The following EEFSEC variants were observed in gnomAD, a reference collection of about 807,000 sequenced individuals.
The protein encoded by EEFSEC is eukaryotic elongation factor, selenocysteine-tRNA specific, also known as selenocysteine-specific elongation factor.
In EEFSEC, 43 loss-of-function variants were observed where a neutral mutation model predicts 42.1. That is an observed-to-expected ratio of 1.02 (90% CI 0.80 to 1.32). EEFSEC has a LOEUF of 1.32. EEFSEC is among the 40% of genes most tolerant of loss of function. The pLI is 0.00. For synonymous variants in EEFSEC, 354 were observed against 339.1 expected (o/e 1.04, Z -0.48); for missense variants, 745 against 803.6 (o/e 0.93, Z 0.88).
At chr3:128,387,373 C>G (rs2067853110) in intron 6 of EEFSEC, among the ~76,000 whole-genome samples, 1 of 152,142 alleles carries the variant, frequency 6.6e-6, no homozygotes, top group Non-Finnish European at 1.5e-5. Context: ...AAGTATACAC[C>G]TTCTTCAAAG....
intron 5 of EEFSEC, among the ~76,000 whole-genome samples, chr3:128,356,662 G>A (rs2067458745): frequency 6.6e-6 from 1 of 152,166 alleles, no homozygotes; most frequent in Non-Finnish European, 1.5e-5. Flanking sequence ...GATAGAAAAG[G>A]TGTATGGTGA....
chr3:128,296,021 C>T (rs2066702253), intron 4 of EEFSEC, among the ~76,000 whole-genome samples: 1 of 152,140 alleles, frequency 6.6e-6, no homozygotes, highest in Admixed American at 6.5e-5. Flanking sequence ...CACATGTTAC[C>T]ATGGTCCAGA....
chr3:128,361,807 C>T (rs923693798), intron 6 of EEFSEC, among the ~76,000 whole-genome samples: 2 of 152,218 alleles, frequency 1.3e-5, no homozygotes, highest in Non-Finnish European at 2.9e-5. Flanking sequence ...GGAGGCCTGA[C>T]AAGCTGCCAG....
intron 1 of EEFSEC, among the ~76,000 whole-genome samples, chr3:128,193,425 C>T (rs917490188): frequency 6.6e-6 from 1 of 152,210 alleles, no homozygotes; most frequent in Non-Finnish European, 1.5e-5. Context: ...ACTGGCACTT[C>T]GGGGGAGGGG....
intron 4 of EEFSEC, among the ~76,000 whole-genome samples, chr3:128,281,031 C>T (rs1408536062): frequency 6.6e-6 from 1 of 152,186 alleles, no homozygotes; most frequent in Non-Finnish European, 1.5e-5. Flanking sequence ...TTCATTACCC[C>T]CTCCGCTTCA....
At chr3:128,157,661 TACTGAA>T (rs1194788461) in intron 1 of EEFSEC, among the ~76,000 whole-genome samples, 1 of 152,252 alleles carries the variant, frequency 6.6e-6, no homozygotes, top group African/African-American at 2.4e-5. Flanking sequence ...TAGCATGGTT[TACTGAA>T]TATTTTAAGC....
At chr3:128,326,546 C>T (rs889256199) in intron 4 of EEFSEC, among the ~76,000 whole-genome samples, 16 of 152,132 alleles carry the variant, frequency 1.1e-4, no homozygotes, top group African/African-American at 1.7e-4. Context: ...CTGGGGAAGG[C>T]GAGACTCAAG....
chr3:128,285,602 C>T (rs2066575909), intron 4 of EEFSEC, among the ~76,000 whole-genome samples: 1 of 152,168 alleles, frequency 6.6e-6, no homozygotes, highest in Non-Finnish European at 1.5e-5. Flanking sequence ...GTGTTTGGGT[C>T]TACCCTCTTG....
In EEFSEC at chr3:128,367,806, G is replaced by A. The variant is rs1196362394; in HGVS notation, c.1600+9433G>A. The stretch of plus-strand genomic sequence containing the variant: ...TCCAAAGAAACCAGCTCTACAATAA[G>A]ACTCCCTTTTCCTGTCACCCATTTC... On this transcript the variant is annotated intron_variant, in intron 6 of 6. Coordinates refer to ENST00000254730, the MANE Select transcript of EEFSEC (RefSeq NM_021937.5). 4.1e-6 allele frequency: 4 copies of A among 985,252 alleles called. No individual in the cohort carries two copies. In the East Asian group the frequency reaches 4.5e-4, roughly 112 times the overall value. 61.0% of individuals were successfully genotyped at this position (985,252 alleles called of 1,614,324 possible). A position where few individuals can be genotyped will look rare whatever the true frequency, so the allele number is the denominator to read the frequency against.
At chr3:128,400,681 C>T (rs1042988874) in intron 6 of EEFSEC, among the ~76,000 whole-genome samples, 8 of 152,264 alleles carry the variant, frequency 5.3e-5, no homozygotes, top group Admixed American at 3.3e-4. Flanking sequence ...CACCCACCAG[C>T]GTGGAGACCC....
intron 1 of EEFSEC, among the ~76,000 whole-genome samples, chr3:128,196,552 A>G (rs1201841533): frequency 1.3e-5 from 2 of 152,026 alleles, no homozygotes; most frequent in Non-Finnish European, 2.9e-5. Context: ...ATTTCATGTA[A>G]TTTTTTTTGG....
intron 2 of EEFSEC, among the ~76,000 whole-genome samples, chr3:128,259,885 A>G (rs570186865): frequency 1.3e-5 from 2 of 151,954 alleles, no homozygotes; most frequent in African/African-American, 4.8e-5. Flanking sequence ...TGTTGTGTAT[A>G]TATACACAAC....
At chr3:128,211,471 G>A (rs1432084725) in intron 1 of EEFSEC, among the ~76,000 whole-genome samples, 2 of 151,884 alleles carry the variant, frequency 1.3e-5, no homozygotes, top group African/African-American at 4.8e-5. Flanking sequence ...ACTGTTACTT[G>A]ACAATACAAC....
chr3:128,351,671 A>C (rs1241678696), intron 5 of EEFSEC, among the ~76,000 whole-genome samples: 1 of 152,172 alleles, frequency 6.6e-6, no homozygotes, highest in Non-Finnish European at 1.5e-5. Flanking sequence ...AGGGACACAC[A>C]CACGTGTAAT....
At chr3:128,287,411 G>A (rs1319182206) in intron 4 of EEFSEC, among the ~76,000 whole-genome samples, 1 of 152,216 alleles carries the variant, frequency 6.6e-6, no homozygotes, top group African/African-American at 2.4e-5. Context: ...GGGAGAGAGT[G>A]AGGAGGCTGG....
At chr3:128,157,950 C>G (rs1454827292) in intron 1 of EEFSEC, among the ~76,000 whole-genome samples, 1 of 152,134 alleles carries the variant, frequency 6.6e-6, no homozygotes. Context: ...AATTGAAAAC[C>G]TTCTGGAAAG....
chr3:128,389,465 A>G (rs908089017), intron 6 of EEFSEC, among the ~76,000 whole-genome samples: 7 of 152,236 alleles, frequency 4.6e-5, no homozygotes, highest in Admixed American at 6.5e-5. Context: ...TGGCCTCCTA[A>G]GTCACAAGTG....
intron 4 of EEFSEC, among the ~76,000 whole-genome samples, chr3:128,280,594 C>T (rs2066515364): frequency 6.6e-6 from 1 of 152,192 alleles, no homozygotes; most frequent in Non-Finnish European, 1.5e-5. Context: ...CACTACTGGG[C>T]TTCCCTGTCC....
At position 128,408,295 on chromosome 3, in the gene EEFSEC, G is replaced by A; in HGVS notation, c.*36G>A. On this transcript the variant is annotated 3_prime_UTR_variant, in exon 7 of 7. Transcript: ENST00000254730. ...ACCTCCCCCAGGGCCTCCTTGCCCA[G>A]CCCAGTCCAGGCTGCTGTGCCAAAT... 1 of 1,514,108 alleles carries A rather than the reference G, an allele frequency of 6.6e-7. No individual in the cohort carries two copies. The allele number at this position is 1,514,108 out of a possible 1,614,324, so 93.8% of individuals were successfully genotyped here. A position where few individuals can be genotyped will look rare whatever the true frequency, so the allele number is the denominator to read the frequency against.
Sources: allele counts gnomAD v4.1 joint callset (sites outside exome capture counted in the v4.1 genomes callset), GRCh38; gene constraint gnomAD v4.1.1; transcripts MANE v1.5; gene names NCBI Gene and HGNC (gene_info 2026-07-23, HGNC 2026-07-21).